IFI16: variants seen among roughly 807,000 people sequenced by gnomAD.
IFI16 encodes the protein interferon gamma inducible protein 16.
In IFI16, 49 loss-of-function variants were observed where a neutral mutation model predicts 68.4. That is an observed-to-expected ratio of 0.72 (90% CI 0.57 to 0.91). IFI16 has a LOEUF of 0.91. IFI16 is among the 40% of genes least tolerant of loss of function. IFI16 has a pLI of 0.00. For synonymous variants in IFI16, 307 were observed against 315.0 expected, an observed-to-expected ratio of 0.97 and a Z score of 0.27; for missense variants, 878 against 942.9, an observed-to-expected ratio of 0.93 and a Z score of 0.90.
chr1:159,021,700 AC>A (rs1260038618), intron 6 of IFI16, among the ~76,000 whole-genome samples: 2 of 152,168 alleles, frequency 1.3e-5, no homozygotes, highest in Non-Finnish European at 2.9e-5. Flanking sequence ...TAGTAGTTCT[AC>A]TAGTTTACAT....
rs1208548312 is a variant in IFI16 at position 159,049,930 on chromosome 1, TCAC to T, written c.1665+332_1665+334del. ...AAAAACAGAGCCACCCATAACACTA[TCAC>T]TGATTTTTCCCCTTTCATTTATTAT... On this transcript the variant is annotated intron_variant, in intron 9 of 11. Transcript: ENST00000295809. Among the ~76,000 whole-genome samples the T allele has an allele frequency of 3.5e-3, 539 of 152,178 alleles. 5 individuals carry two copies. Among genetic ancestry groups the T allele is most frequent in the African/African-American group, 0.012 (499 of 41,522 alleles).
Position 159,044,240 on chromosome 1 carries a change from A to G in IFI16, c.1330-1057A>G, listed in dbSNP as rs1440690329. On this transcript the variant is annotated intron_variant, in intron 7 of 11. Coordinates refer to ENST00000295809, the MANE Select transcript of IFI16 (RefSeq NM_001376587.1). ...TCTTCCTCAGGGTCACACAGATAGT[A>G]TTAGAGTCAGGATTCAAATGCAGCC... Among the ~76,000 whole-genome samples the G allele has an allele frequency of 2.6e-5, 4 of 152,194 alleles. No individual in the cohort carries two copies. In the East Asian group the frequency reaches 7.7e-4, roughly 29 times the overall value.
Position 159,052,068 on chromosome 1 carries a change from T to A in IFI16, c.2055T>A (p.Ser685Arg). The stretch of plus-strand genomic sequence containing the variant: ...AGCTTTGCTCACAAACTAAAGGAAG[T>A]TTTGTGAATGGGGTGTTTGAGGTAC... ...INQLCSQTKG[S>R]FVNGVFEVHK... Residue 685 changes from serine (S) to arginine (R), a missense_variant, in exon 10 of 12, where the codon AGT becomes AGA. Ser to Arg is a moderately radical substitution (Grantham distance 110). Around this residue, in one of 4 missense-constraint regions of IFI16, gnomAD observed 311 missense variants for 305.1 expected, o/e 1.02. Transcript: ENST00000295809. The A allele has an allele frequency of 3.1e-6, 5 of 1,612,958 alleles. No individual in the cohort carries two copies. Among genetic ancestry groups the A allele is most frequent in the Non-Finnish European group, 4.2e-6 (5 of 1,179,796 alleles).
In IFI16 at chr1:159,014,941, A is replaced by G; in HGVS notation, c.261A>G (p.Leu87=). The change falls in exon 2 of 12, where the codon TTA becomes TTG. Residue 87 remains leucine (L), a synonymous_variant. Transcript: ENST00000295809. ...CTGAAACTCTTAAAAAAGAAAAGTT[A>G]AAAGGTAATTGGGAAGAGGGAACAC... The part of the protein sequence containing the change: ...DLAETLKKEK[L]KVKGPALSRK... The G allele has an allele frequency of 3.7e-6, 6 of 1,603,760 alleles. No individual in the cohort carries two copies. The highest frequency in any genetic ancestry group is 5.1e-6 in the Non-Finnish European group (6 of 1,175,704).
Position 159,053,588 on chromosome 1 carries a change from T to G in IFI16, c.2141T>G (p.Met714Arg). The G allele has an allele frequency of 6.2e-7, 1 of 1,613,480 alleles. No homozygotes were observed. Among genetic ancestry groups the G allele is most frequent in the African/African-American group, 1.3e-5 (1 of 75,020 alleles). ...YYEIQDNTGK[M>R]EVVVHGRLTT... Reference sequence around the variant, plus strand: ...GAAATACAAGATAATACAGGGAAGATGGAAGTGGTGGTGCATGGACGACTG... The same window carrying G: ...GAAATACAAGATAATACAGGGAAGAGGGAAGTGGTGGTGCATGGACGACTG... Residue 714 changes from methionine to arginine, a missense_variant, in exon 11 of 12, where the codon ATG (methionine) becomes AGG (arginine). Met to Arg is a moderately conservative substitution (Grantham distance 91). Around this residue, in one of 4 missense-constraint regions of IFI16, gnomAD observed 311 missense variants for 305.1 expected, o/e 1.02. Transcript: ENST00000295809.
chr1:159,053,054 G>A (rs1655459495), intron 10 of IFI16: 1 of 152,882 alleles, frequency 6.5e-6, no homozygotes, highest in Non-Finnish European at 1.5e-5. Context: ...GGGCAGATTG[G>A]GAAAGAGTGA....
chr1:159,037,167 A>G (rs898858658), intron 7 of IFI16, among the ~76,000 whole-genome samples: 1 of 152,352 alleles, frequency 6.6e-6, no homozygotes, highest in Non-Finnish European at 1.5e-5. Flanking sequence ...AAGAAAGTTA[A>G]TGACAGTTTC....
chr1:159,029,250 AGC>A (rs1653849433), intron 6 of IFI16, among the ~76,000 whole-genome samples: 1 of 152,280 alleles, frequency 6.6e-6, no homozygotes, highest in African/African-American at 2.4e-5. Flanking sequence ...TCATTTATGA[AGC>A]TTAGTTCACT....
chr1:159,034,615 C>T (rs1243781579), intron 7 of IFI16, among the ~76,000 whole-genome samples: 2 of 152,172 alleles, frequency 1.3e-5, no homozygotes, highest in African/African-American at 2.4e-5. Context: ...TTTCTCCAGT[C>T]TCTTCTTGAA....
In IFI16 at chr1:159,015,917, C is replaced by T; in HGVS notation, c.311C>T (p.Ala104Val). Reference protein sequence around the residue: ...LSRKRKKEVDATSPAPSTSST... With the variant: ...LSRKRKKEVDVTSPAPSTSST... ...AGAAAGAGGAAGAAGGAAGTGGATG[C>T]TACTTCACCTGCACCCTCCACAAGC... The change falls in exon 3 of 12, where the codon GCT (alanine) becomes GTT (valine). Residue 104 changes from alanine (A) to valine (V), a missense_variant. Physicochemically the swap from Ala to Val is moderately conservative, Grantham distance 64. Transcript: ENST00000295809. The T allele has an allele frequency of 6.2e-7, 1 of 1,614,008 alleles. No individual in the cohort carries two copies. The highest frequency in any genetic ancestry group is 8.5e-7 in the Non-Finnish European group (1 of 1,179,886).
At chr1:159,021,911 T>C (rs1386031919) in intron 6 of IFI16, among the ~76,000 whole-genome samples, 2 of 151,044 alleles carry the variant, frequency 1.3e-5, no homozygotes, top group South Asian at 2.1e-4. Flanking sequence ...TTTTGAGAAT[T>C]GTCTATTCAT....
chr1:159,024,054 G>T (rs1653499670), intron 6 of IFI16, among the ~76,000 whole-genome samples: 1 of 152,210 alleles, frequency 6.6e-6, no homozygotes, highest in African/African-American at 2.4e-5. Context: ...GTGGAAAGGG[G>T]ATAATCTGGC....
chr1:159,045,078 T>C (rs1419085558), intron 7 of IFI16, among the ~76,000 whole-genome samples: 2 of 151,804 alleles, frequency 1.3e-5, no homozygotes, highest in Non-Finnish European at 2.9e-5. Context: ...GACAATGCAA[T>C]TTCAGTTATC....
chr1:159,045,659 A>G lies in IFI16; in HGVS notation c.1497+195A>G, dbSNP rs180772004. ...ATTCTATTTTTATCATCTCTATTCCATAGCAGGTATAATTAGATATCTTTT... is the reference window on the plus strand; with the variant it reads ...ATTCTATTTTTATCATCTCTATTCCGTAGCAGGTATAATTAGATATCTTTT... On this transcript the variant is annotated intron_variant, in intron 8 of 11. Coordinates refer to ENST00000295809, the MANE Select transcript of IFI16 (RefSeq NM_001376587.1). Among the ~76,000 whole-genome samples the G allele has an allele frequency of 1.7e-3, 255 of 151,426 alleles. 14 individuals are homozygous for G. The highest frequency in any genetic ancestry group is 2.8e-3 in the Non-Finnish European group (192 of 67,644).
chr1:159,051,581 C>T, intron 9 of IFI16, 98 bp from the exon 10 acceptor site: 2 of 905,834 alleles, frequency 2.2e-6, no homozygotes, highest in South Asian at 1.6e-5. Flanking sequence ...TAAGGTGATA[C>T]TTGAGGACCA....
intron 2 of IFI16, chr1:159,015,658 T>C (rs1465161412): frequency 3.9e-6 from 2 of 518,412 alleles, no homozygotes; most frequent in Non-Finnish European, 7.0e-6. Context: ...AGGAAAGTGC[T>C]GAGGAGCATG....
chr1:159,044,627 T>G (rs1204439422), intron 7 of IFI16, among the ~76,000 whole-genome samples: 1 of 152,176 alleles, frequency 6.6e-6, no homozygotes, highest in Non-Finnish European at 1.5e-5. Flanking sequence ...TTAAAAGTAG[T>G]CAAGGTATGT....
intron 1 of IFI16, among the ~76,000 whole-genome samples, chr1:159,011,306 C>G (rs543079465): frequency 3.9e-4 from 59 of 151,886 alleles, no homozygotes; most frequent in African/African-American, 1.4e-3. Flanking sequence ...ATCGCTTGAA[C>G]CAGGAGGCAG....
chr1:159,015,045 C>A, intron 2 of IFI16, 100 bp downstream of exon 2: 2 of 1,199,456 alleles, frequency 1.7e-6, no homozygotes, highest in South Asian at 3.0e-5. Context: ...ATGTGTTTTC[C>A]CCAGTTTGTG....
Sources: allele counts gnomAD v4.1 joint callset (sites outside exome capture counted in the v4.1 genomes callset), GRCh38; gene constraint gnomAD v4.1.1; regional missense constraint gnomAD v4.1.1; transcripts MANE v1.5; gene names NCBI Gene and HGNC (gene_info 2026-07-23, HGNC 2026-07-21).